FBXO15: variants seen among roughly 807,000 people sequenced by gnomAD.
The protein encoded by FBXO15 is F-box protein 15.
In FBXO15, 30 loss-of-function variants were observed where a neutral mutation model predicts 49.5. The observed-to-expected ratio is 0.61, with a 90% confidence interval of 0.45 to 0.82. FBXO15 has a LOEUF of 0.82. Ranked by LOEUF, FBXO15 falls within the 40% of genes least tolerant of loss-of-function variation. The pLI, the probability that FBXO15 is intolerant of heterozygous loss-of-function variation, is 0.00. For synonymous variants in FBXO15, 250 were observed against 232.7 expected (o/e 1.07, Z -0.68); for missense variants, 591 against 631.5 (o/e 0.94, Z 0.69).
At chr18:74,127,609 T>C (rs2145197543) in intron 5 of FBXO15, among the ~76,000 whole-genome samples, 1 of 152,362 alleles carries the variant, frequency 6.6e-6, no homozygotes, top group African/African-American at 2.4e-5. Flanking sequence ...AGCATTCACT[T>C]ACAAACTTGC....
chr18:74,103,600 AAG>A, intron 8 of FBXO15, among the ~76,000 whole-genome samples: 1 of 152,244 alleles, frequency 6.6e-6, no homozygotes, highest in Non-Finnish European at 1.5e-5. Flanking sequence ...GTCAAGCACA[AAG>A]AGAGGATCCT....
intron 8 of FBXO15, among the ~76,000 whole-genome samples, chr18:74,114,928 A>C (rs1041940567): frequency 2.0e-5 from 3 of 152,204 alleles, no homozygotes; most frequent in African/African-American, 7.2e-5. Context: ...GAAAAAAAGA[A>C]AGGACACAGA....
chr18:74,105,875 A>C (rs1036133222), intron 8 of FBXO15, among the ~76,000 whole-genome samples: 2 of 152,354 alleles, frequency 1.3e-5, no homozygotes, highest in East Asian at 3.9e-4. Flanking sequence ...AAATTAATAC[A>C]GATTTAATAT....
intron 8 of FBXO15, among the ~76,000 whole-genome samples, chr18:74,106,989 G>C (rs1357333594): frequency 6.6e-6 from 1 of 152,046 alleles, no homozygotes; most frequent in East Asian, 1.9e-4. Flanking sequence ...ACATAATGTT[G>C]TCTAAGGATA....
rs1017029487 is a variant in FBXO15, at chr18:74,075,307, G to A, written c.1264-1577C>T. Among the ~76,000 whole-genome samples the A allele has an allele frequency of 1.9e-4, 29 of 152,094 alleles. No homozygotes were observed. Among genetic ancestry groups the A allele is most frequent in the Admixed American group, 2.0e-4 (3 of 15,270 alleles). On this transcript the variant is annotated intron_variant, in intron 9 of 9. Coordinates refer to ENST00000419743, the MANE Select transcript of FBXO15 (RefSeq NM_001142958.2). The surrounding 1 kb of genome is among the most constrained non-coding windows in gnomAD (Gnocchi z 4.1). Reference sequence around the variant, plus strand: ...CAGATCCACAGCCCAGCTCCTCTGCGCCCACCTCTCCTCACATGTGTTTCT... The same window carrying A: ...CAGATCCACAGCCCAGCTCCTCTGCACCCACCTCTCCTCACATGTGTTTCT...
intron 8 of FBXO15, among the ~76,000 whole-genome samples, chr18:74,109,157 A>G (rs1238658963): frequency 6.6e-6 from 1 of 152,226 alleles, no homozygotes; most frequent in Non-Finnish European, 1.5e-5. Context: ...TAACCCCATC[A>G]AAAAGTGGGT....
rs767973502 is a variant in FBXO15, at chr18:74,130,423, C to T, written c.568G>A (p.Ala190Thr). 25 of 1,613,992 alleles carry T rather than the reference C, an allele frequency of 1.5e-5. No homozygotes were observed. The South Asian group carries it at 2.5e-4, about 16-fold the overall frequency. ...YTGLPVKTKE[A>T]LRIFGLGWAI... Reference sequence around the variant, plus strand: ...TTGGAACACACTGCGTACCTGAGGGCCTCTTTGGTCTTAACTGGAAGGCCT... The same window carrying T: ...TTGGAACACACTGCGTACCTGAGGGTCTCTTTGGTCTTAACTGGAAGGCCT... The change falls in exon 4 of 10, where the codon GCC (alanine) becomes ACC (threonine). Residue 190 changes from alanine to threonine, a missense_variant. Transcript: ENST00000419743.
chr18:74,129,312 A>C (rs181118253), intron 5 of FBXO15, 93 bp downstream of exon 5: 5 of 1,093,104 alleles, frequency 4.6e-6, no homozygotes, highest in Non-Finnish European at 6.6e-6. Context: ...AAATTAAAAA[A>C]CGCTGCTCTT....
intron 1 of FBXO15, 127 bp downstream of exon 1, chr18:74,147,543 T>G: frequency 7.8e-7 from 1 of 1,275,180 alleles, no homozygotes; most frequent in Non-Finnish European, 9.9e-7. Flanking sequence ...TTCCATACCC[T>G]TCTCACGTTG....
chr18:74,075,259 AT>A lies in FBXO15; in HGVS notation c.1264-1530del, dbSNP rs1912213895. Among the ~76,000 whole-genome samples, 1 of 152,114 alleles carries A rather than the reference AT, an allele frequency of 6.6e-6. No homozygotes were observed. Among genetic ancestry groups the A allele is most frequent in the Non-Finnish European group, 1.5e-5 (1 of 68,018 alleles). ...CGGCCTTCACAGACAGGGGAGAAGGATGTTTTCCTCAACTTCCCACTGCAGA... is the reference window on the plus strand; with the variant it reads ...CGGCCTTCACAGACAGGGGAGAAGGAGTTTTCCTCAACTTCCCACTGCAGA... On this transcript the variant is annotated intron_variant, in intron 9 of 9. Transcript: ENST00000419743. The surrounding 1 kb of genome is among the most constrained non-coding windows in gnomAD (Gnocchi z 4.1).
chr18:74,101,042 C>T (rs1040657305), intron 8 of FBXO15, among the ~76,000 whole-genome samples: 3 of 152,060 alleles, frequency 2.0e-5, no homozygotes, highest in Non-Finnish European at 1.5e-5. Context: ...AAGAATCCTC[C>T]CCAGATCATT....
Position 74,073,547 on chromosome 18 carries a change from T to C in FBXO15, c.1447A>G (p.Arg483Gly). The C allele has an allele frequency of 6.2e-7, 1 of 1,614,130 alleles. No homozygotes were observed. Among genetic ancestry groups the C allele is most frequent in the South Asian group, 1.1e-5 (1 of 91,084 alleles). Residue 483 changes from arginine (R) to glycine (G), a missense_variant, in exon 10 of 10, where the codon AGA (arginine) becomes GGA (glycine). By Grantham distance (125) the Arg-to-Gly change is moderately radical (BLOSUM62 -2). Coordinates refer to ENST00000419743, the MANE Select transcript of FBXO15 (RefSeq NM_001142958.2). Reference protein sequence around the residue: ...GRVHVELVWIRETEEYLIVNL... With the variant: ...GRVHVELVWIGETEEYLIVNL... ...ACAATAAGGTATTCTTCGGTCTCTC[T>C]GATCCACACCAGCTCCACGTGCACT...
intron 9 of FBXO15, among the ~76,000 whole-genome samples, chr18:74,081,328 G>T (rs576940064): frequency 7.9e-5 from 12 of 152,184 alleles, no homozygotes; most frequent in Non-Finnish European, 1.8e-4. Flanking sequence ...GTTGGAGAGT[G>T]ACAAGAACCA....
intron 8 of FBXO15, among the ~76,000 whole-genome samples, chr18:74,086,900 G>C (rs1039336591): frequency 6.6e-6 from 1 of 152,076 alleles, no homozygotes. Flanking sequence ...GGTACTAGAG[G>C]GAAACTTAAA....
chr18:74,106,498 C>A (rs1222716417), intron 8 of FBXO15, among the ~76,000 whole-genome samples: 1 of 152,006 alleles, frequency 6.6e-6, no homozygotes, highest in Non-Finnish European at 1.5e-5. Context: ...AATAACAGCA[C>A]CAAGCACATG....
At chr18:74,130,864 T>C (rs1978352296) in intron 3 of FBXO15, 1 of 510,516 alleles carries the variant, frequency 2.0e-6, no homozygotes, top group Non-Finnish European at 3.3e-6. Flanking sequence ...AAACACATTT[T>C]AAAAAAAGGA....
intron 8 of FBXO15, among the ~76,000 whole-genome samples, chr18:74,115,212 C>T (rs1016296686): frequency 2.6e-5 from 4 of 152,164 alleles, no homozygotes; most frequent in African/African-American, 9.7e-5. Flanking sequence ...CGAGCTGTTG[C>T]CTCAAAATGG....
chr18:74,135,905 G>A (rs1978688406), intron 2 of FBXO15, 39 bp from the exon 3 acceptor site: 2 of 1,528,042 alleles, frequency 1.3e-6, no homozygotes, highest in South Asian at 1.2e-5. Context: ...TCACCAGAGT[G>A]GACCAGGGCT....
intron 8 of FBXO15, among the ~76,000 whole-genome samples, chr18:74,096,012 C>T (rs1358805868): frequency 1.3e-5 from 2 of 152,262 alleles, no homozygotes; most frequent in African/African-American, 2.4e-5. Context: ...ACCCCTCCCC[C>T]GATTCTACCC....
Sources: gnomAD v4.1 joint callset for allele counts (sites outside exome capture counted in the v4.1 genomes callset) on GRCh38, gnomAD v4.1.1 for gene constraint, Gnocchi (gnomAD v3.1) non-coding constraint, MANE v1.5 for transcripts, NCBI Gene and HGNC (gene_info 2026-07-23, HGNC 2026-07-21) for gene names.